Variants in STAB2 observed in about 807,000 individuals in gnomAD.
STAB2 encodes the protein stabilin-2.
A neutral mutation model predicts 338.1 loss-of-function variants in STAB2; 288 were observed. The observed-to-expected ratio is 0.85, with a 90% CI of 0.77 to 0.94. STAB2 has a LOEUF of 0.94. Among genes scored for constraint, STAB2 ranks in the 40% least tolerant of loss-of-function variants. The probability of loss-of-function intolerance (pLI) is 0.00; values close to 1 mark genes in which losing one functional copy is unlikely to be tolerated. For missense variants in STAB2, 3,141 were observed against 3,210.1 expected, an observed-to-expected ratio of 0.98 and a Z score of 0.52; for synonymous variants, 1,202 against 1,193.3, an observed-to-expected ratio of 1.01 and a Z score of -0.15.
intron 55 of STAB2, among the ~76,000 whole-genome samples, 170 bp downstream of exon 55, chr12:103,740,926 A>C (rs1433421967): frequency 1.3e-5 from 2 of 152,098 alleles, no homozygotes; most frequent in Non-Finnish European, 2.9e-5. Context: ...CTACTTTGGC[A>C]TATTTTTTTT....
intron 5 of STAB2, among the ~76,000 whole-genome samples, chr12:103,622,914 T>A (rs1157969353): frequency 6.6e-6 from 1 of 152,210 alleles, no homozygotes; most frequent in East Asian, 1.9e-4. Flanking sequence ...CCCCACCTAA[T>A]TCTAATGGTT....
intron 58 of STAB2, among the ~76,000 whole-genome samples, chr12:103,747,528 G>C (rs985906814): frequency 6.6e-6 from 1 of 151,376 alleles, no homozygotes; most frequent in Non-Finnish European, 1.5e-5. Context: ...AGAGGAAGGA[G>C]GCAAACCTCC....
chr12:103,641,160 G>A (rs368937038), intron 9 of STAB2, among the ~76,000 whole-genome samples: 2 of 152,178 alleles, frequency 1.3e-5, no homozygotes, highest in African/African-American at 4.8e-5. Flanking sequence ...TGATTCCAGA[G>A]CCCCCTTCAT....
In STAB2 at chr12:103,688,308, G is replaced by A. The variant is rs1314305571; in HGVS notation, c.3045+93G>A. ...AGAAAACCGAAAATGCAGCTGGTAA[G>A]GAGTGTAGGCAATTGTGCTGAGCAG... On this transcript the variant is annotated intron_variant, in intron 28 of 68. Coordinates refer to ENST00000388887, the MANE Select transcript of STAB2 (RefSeq NM_017564.10). 3.3e-6 allele frequency: 4 copies of A among 1,223,928 alleles called. No homozygotes were observed. In the African/African-American group the frequency reaches 4.5e-5, roughly 14 times the overall value. The allele number at this position is 1,223,928 out of a possible 1,614,324, so 75.8% of individuals were successfully genotyped here. A position where few individuals can be genotyped will look rare whatever the true frequency, so the allele number is the denominator to read the frequency against.
intron 26 of STAB2, among the ~76,000 whole-genome samples, chr12:103,684,543 T>C (rs564121140): frequency 1.1e-4 from 16 of 152,326 alleles, no homozygotes; most frequent in South Asian, 4.1e-4. Context: ...TGAGTAGCTA[T>C]TGCAAGTTTC....
At chr12:103,673,773 C>T in intron 22 of STAB2, 134 bp from the exon 23 acceptor site, 1 of 953,656 alleles carries the variant, frequency 1.0e-6, no homozygotes, top group East Asian at 2.7e-5. Context: ...CTTCTCCCGG[C>T]TCAGCCCCGA....
rs1208099870 is a variant in STAB2, at chr12:103,610,690, A to C, written c.332-9778A>C. Among the ~76,000 whole-genome samples, 4 of 152,030 alleles carry C rather than the reference A, an allele frequency of 2.6e-5. No individual in the cohort carries two copies. The East Asian group carries it at 5.8e-4, about 22-fold the overall frequency. On this transcript the variant is annotated intron_variant, in intron 3 of 68. Transcript: ENST00000388887. The stretch of plus-strand genomic sequence containing the variant: ...GGTTTTTTATGTCTCTATCTCCCTC[A>C]GTTCTGCTCTGATCTTAGTTATTTC...
intron 3 of STAB2, among the ~76,000 whole-genome samples, chr12:103,599,992 C>A (rs1374953200): frequency 2.0e-5 from 3 of 152,186 alleles, no homozygotes; most frequent in Admixed American, 6.5e-5. Flanking sequence ...ATGCCAGTTC[C>A]AACTCTTAAC....
intron 30 of STAB2, among the ~76,000 whole-genome samples, chr12:103,692,398 G>GT (rs540938224): frequency 6.6e-6 from 1 of 152,052 alleles, no homozygotes; most frequent in South Asian, 2.1e-4. Flanking sequence ...GTGGGGGCAG[G>GT]GGGGGACACA....
At chr12:103,684,561 T>C (rs1310022030) in intron 26 of STAB2, among the ~76,000 whole-genome samples, 1 of 152,212 alleles carries the variant, frequency 6.6e-6, no homozygotes, top group African/African-American at 2.4e-5. Flanking sequence ...TTCATTCCAT[T>C]GCAAAGCTTG....
intron 22 of STAB2, 98 bp from the exon 23 acceptor site, chr12:103,673,809 G>A: frequency 7.0e-6 from 9 of 1,277,154 alleles, no homozygotes; most frequent in East Asian, 2.5e-5. Context: ...AGTGAGTGGG[G>A]GGTGAGAAGA....
At chr12:103,630,640 A>G (rs981009361) in intron 5 of STAB2, among the ~76,000 whole-genome samples, 1 of 152,242 alleles carries the variant, frequency 6.6e-6, no homozygotes, top group African/African-American at 2.4e-5. Flanking sequence ...GTGGATGAGA[A>G]AGACAGAAGA....
chr12:103,727,966 C>A (rs1881342069), intron 47 of STAB2, among the ~76,000 whole-genome samples: 1 of 152,068 alleles, frequency 6.6e-6, no homozygotes, highest in African/African-American at 2.4e-5. Context: ...AAACCTGGGC[C>A]CGTGTACTTA....
At chr12:103,686,443 C>T (rs74789426) in intron 27 of STAB2, among the ~76,000 whole-genome samples, 5,329 of 152,256 alleles carry the variant, frequency 0.035, 145 homozygotes, top group East Asian at 0.12. Flanking sequence ...TCTCCTCCCA[C>T]GAAAAGCAAA....
chr12:103,681,045 G>T (rs1415255634), intron 25 of STAB2, among the ~76,000 whole-genome samples: 1 of 152,182 alleles, frequency 6.6e-6, no homozygotes, highest in East Asian at 1.9e-4. Context: ...GATAAATGTT[G>T]TAAAAGCCAC....
rs184717993 is a variant in STAB2 at position 103,727,823 on chromosome 12, G to A, written c.4935+473G>A. Among the ~76,000 whole-genome samples the A allele has an allele frequency of 1.4e-4, 22 of 152,168 alleles. No individual in the cohort carries two copies. The East Asian group carries it at 1.9e-3, about 13-fold the overall frequency. On this transcript the variant is annotated intron_variant, in intron 47 of 68. Transcript: ENST00000388887. The stretch of plus-strand genomic sequence containing the variant: ...GTGTCCAACACTGTTCTGAGTACCC[G>A]GCTTAGAATGACTCATTTGGTCCTC...
chr12:103,716,667 C>CATGCACAT (rs1300668057), intron 43 of STAB2, among the ~76,000 whole-genome samples: 1 of 152,214 alleles, frequency 6.6e-6, no homozygotes, highest in Non-Finnish European at 1.5e-5. Flanking sequence ...TGTGAGCACA[C>CATGCACAT]ATGCACATGT....
intron 42 of STAB2, among the ~76,000 whole-genome samples, chr12:103,715,372 A>G (rs1449411720): frequency 6.6e-6 from 1 of 152,064 alleles, no homozygotes; most frequent in Non-Finnish European, 1.5e-5. Context: ...CACCAAGCAG[A>G]TATGTTGTTC....
chr12:103,653,604 CTGGATGGATGGA>C (rs375522471), intron 12 of STAB2, among the ~76,000 whole-genome samples: 2 of 123,542 alleles, frequency 1.6e-5, no homozygotes, highest in African/African-American at 3.2e-5. Flanking sequence ...GGATAGGTCA[CTGGATGGATGGA>C]TGGATGGATG....
Sources: gnomAD v4.1 joint callset for allele counts (sites outside exome capture counted in the v4.1 genomes callset) on GRCh38, gnomAD v4.1.1 for gene constraint, MANE v1.5 for transcripts, NCBI Gene and HGNC (gene_info 2026-07-23, HGNC 2026-07-21) for gene names.